KNTC1: variants seen among roughly 807,000 people sequenced by gnomAD.
The protein encoded by KNTC1 is kinetochore-associated protein 1.
KNTC1 carries 253 observed loss-of-function variants against 314.4 expected under a neutral mutation model. That is an observed-to-expected ratio of 0.80 (90% CI 0.73 to 0.89). The LOEUF (loss-of-function observed/expected upper bound fraction) is 0.89, where lower values mean the gene tolerates loss of function less well. Ranked by LOEUF, KNTC1 falls within the 40% of genes least tolerant of loss-of-function variation. The probability of loss-of-function intolerance (pLI) is 0.00; values close to 1 mark genes in which losing one functional copy is unlikely to be tolerated. For synonymous variants in KNTC1, 901 were observed against 901.4 expected, an observed-to-expected ratio of 1.00 and a Z score of 0.01; for missense variants, 2,475 against 2,572.9, an observed-to-expected ratio of 0.96 and a Z score of 0.82.
chr12:122,549,517 A>G (rs1593514394), intron 12 of KNTC1, among the ~76,000 whole-genome samples: 1 of 151,708 alleles, frequency 6.6e-6, no homozygotes, highest in Non-Finnish European at 1.5e-5. Flanking sequence ...ACAGATGCAC[A>G]CCGCCACACC....
intron 5 of KNTC1, among the ~76,000 whole-genome samples, chr12:122,541,567 G>A (rs1490186480): frequency 1.3e-5 from 2 of 151,298 alleles, no homozygotes; most frequent in South Asian, 2.1e-4. Context: ...GGCTGGTCTC[G>A]AGCTCCTGAC....
chr12:122,554,186 C>G (rs963612552), intron 16 of KNTC1, among the ~76,000 whole-genome samples: 31 of 149,406 alleles, frequency 2.1e-4, no homozygotes, highest in Non-Finnish European at 4.0e-4. Context: ...CTGCCTTAGC[C>G]TCCCAAGGTG....
At chr12:122,592,373 C>T (rs940525150) in intron 42 of KNTC1, among the ~76,000 whole-genome samples, 1 of 152,228 alleles carries the variant, frequency 6.6e-6, no homozygotes, top group African/African-American at 2.4e-5. Context: ...CCACGGCGCC[C>T]AGTCCCATGG....
Position 122,622,574 on chromosome 12 carries a change from C to T in KNTC1, c.6482C>T (p.Thr2161Ile). The change falls in exon 62 of 64, where the codon ACT becomes ATT. Residue 2161 changes from threonine to isoleucine, a missense_variant. By Grantham distance (89) the Thr-to-Ile change is moderately conservative. Coordinates refer to ENST00000333479, the MANE Select transcript of KNTC1 (RefSeq NM_014708.6). ...KMHAMNTNNI[T>I]ELVNYLANDL... The stretch of plus-strand genomic sequence containing the variant: ...CATGCGATGAATACCAACAATATCA[C>T]TGAGCTAGTGAACTATTTGGCAAAT... 1.3e-6 allele frequency: 2 copies of T among 1,561,026 alleles called. No homozygotes were observed. The highest frequency in any genetic ancestry group is 1.7e-6 in the Non-Finnish European group (2 of 1,152,082).
chr12:122,615,137 A>C, intron 56 of KNTC1, 51 bp downstream of exon 56: 1 of 1,268,674 alleles, frequency 7.9e-7, no homozygotes, highest in Non-Finnish European at 1.1e-6. Context: ...GCTTTTGCAC[A>C]GCATCCCCTA....
At chr12:122,541,294 T>TTCCTTCCGTCCG (rs1962302583) in intron 5 of KNTC1, among the ~76,000 whole-genome samples, 1 of 140,432 alleles carries the variant, frequency 7.1e-6, no homozygotes, top group East Asian at 2.0e-4. Context: ...CCTGCCTTCC[T>TTCCTTCCGTCCG]TCCTTCCTTC....
In KNTC1 at chr12:122,551,380, G is replaced by T; in HGVS notation, c.1130+18G>T. 1 of 1,590,526 alleles carries T rather than the reference G, an allele frequency of 6.3e-7. No individual in the cohort carries two copies. Among genetic ancestry groups the T allele is most frequent in the Non-Finnish European group, 8.6e-7 (1 of 1,163,450 alleles). ...GATCCAAAGTAGGTCATGTTTTACC[G>T]TGTTAAGTAATAGCTATGTTAAATT... On this transcript the variant is annotated intron_variant, in intron 14 of 63. Transcript: ENST00000333479.
Position 122,605,060 on chromosome 12 carries a change from C to G in KNTC1, c.5359C>G (p.Gln1787Glu), listed in dbSNP as rs769346521. ...ACATCCTAGCATCAATCAAAGAATTCAGAATTCATCTGGCACAGATTATCC... is the reference window on the plus strand; with the variant it reads ...ACATCCTAGCATCAATCAAAGAATTGAGAATTCATCTGGCACAGATTATCC... ...YEHPSINQRIQNSSGTDYPDI... is the reference protein window; with the variant it reads ...YEHPSINQRIENSSGTDYPDI... The change falls in exon 50 of 64, where the codon CAG becomes GAG. Residue 1787 changes from glutamine (Q) to glutamate (E), a missense_variant. Coordinates refer to ENST00000333479, the MANE Select transcript of KNTC1 (RefSeq NM_014708.6). The G allele has an allele frequency of 6.2e-7, 1 of 1,611,628 alleles. No individual in the cohort carries two copies. The highest frequency in any genetic ancestry group is 2.2e-5 in the East Asian group (1 of 44,866).
intron 33 of KNTC1, 77 bp from the exon 34 acceptor site, chr12:122,582,628 A>G: frequency 1.5e-6 from 2 of 1,353,462 alleles, no homozygotes; most frequent in Non-Finnish European, 2.0e-6. Flanking sequence ...TTATGAAAAA[A>G]AAAACTAATG....
At chr12:122,540,241 C>T (rs1283921426) in intron 5 of KNTC1, among the ~76,000 whole-genome samples, 18 of 150,296 alleles carry the variant, frequency 1.2e-4, no homozygotes, top group Non-Finnish European at 2.2e-4. Context: ...GGCACGACCT[C>T]GGCTCACTGA....
intron 8 of KNTC1, among the ~76,000 whole-genome samples, chr12:122,544,678 C>G (rs1459409013): frequency 3.9e-5 from 6 of 152,192 alleles, no homozygotes; most frequent in Non-Finnish European, 7.3e-5. Context: ...GTAATTACTA[C>G]TGGTGACATA....
chr12:122,620,737 C>A, intron 60 of KNTC1, 129 bp downstream of exon 60: 1 of 926,128 alleles, frequency 1.1e-6, no homozygotes, highest in Non-Finnish European at 1.6e-6. Flanking sequence ...ATGTGTGAAG[C>A]TTGTATGGGG....
chr12:122,576,799 A>T, intron 29 of KNTC1, 96 bp from the exon 30 acceptor site: 2 of 864,000 alleles, frequency 2.3e-6, no homozygotes, highest in Non-Finnish European at 3.3e-6. Context: ...TTGCTGCATT[A>T]TTTAAATTTT....
intron 5 of KNTC1, among the ~76,000 whole-genome samples, chr12:122,541,274 TGCC>T: frequency 8.8e-6 from 1 of 113,038 alleles, no homozygotes; most frequent in South Asian, 2.8e-4. Context: ...CCTGCCTGCC[TGCC>T]TGCCTGCCTG....
At chr12:122,564,498 GC>G (rs1167074618) in intron 20 of KNTC1, among the ~76,000 whole-genome samples, 1 of 151,690 alleles carries the variant, frequency 6.6e-6, no homozygotes, top group Non-Finnish European at 1.5e-5. Flanking sequence ...ACTGAGTCTG[GC>G]CCAGGTGCAG....
chr12:122,532,730 C>T (rs1961462610), intron 2 of KNTC1, among the ~76,000 whole-genome samples: 2 of 152,186 alleles, frequency 1.3e-5, no homozygotes, highest in Non-Finnish European at 2.9e-5. Flanking sequence ...CATAAGATGG[C>T]ATCTTATTCA....
rs374757441 is a variant in KNTC1, at chr12:122,621,861, C to G, written c.6280-20C>G. The G allele has an allele frequency of 6.8e-7, 1 of 1,475,182 alleles. No homozygotes were observed. Among genetic ancestry groups the G allele is most frequent in the East Asian group, 2.3e-5 (1 of 42,558 alleles). 91.4% of individuals were successfully genotyped at this position (1,475,182 alleles called of 1,614,324 possible). A position where few individuals can be genotyped will look rare whatever the true frequency, so the allele number is the denominator to read the frequency against. Reference sequence around the variant, plus strand: ...AAATAATAACAATTTTCTATTAATTCTGCTTTGATTTTTCTCTAGAATTTT... The same window carrying G: ...AAATAATAACAATTTTCTATTAATTGTGCTTTGATTTTTCTCTAGAATTTT... On this transcript the variant is annotated intron_variant, in intron 60 of 63. Transcript: ENST00000333479.
chr12:122,585,490 A>T, intron 36 of KNTC1, 146 bp from the exon 37 acceptor site: 1 of 789,330 alleles, frequency 1.3e-6, no homozygotes, highest in Non-Finnish European at 2.0e-6. Flanking sequence ...CTTTCAAAAC[A>T]TTGGGCCTCC....
chr12:122,552,346 T>C (rs1347428853), intron 16 of KNTC1, among the ~76,000 whole-genome samples: 4 of 151,920 alleles, frequency 2.6e-5, no homozygotes, highest in African/African-American at 9.7e-5. Flanking sequence ...AGAATGTAGG[T>C]TATATGGGCA....
Sources: allele counts gnomAD v4.1 joint callset (sites outside exome capture counted in the v4.1 genomes callset), GRCh38; gene constraint gnomAD v4.1.1; transcripts MANE v1.5; gene names NCBI Gene and HGNC (gene_info 2026-07-23, HGNC 2026-07-21).